PRH1: variants seen among roughly 807,000 people sequenced by gnomAD.
PRH1 encodes the protein salivary acidic proline-rich phosphoprotein 1/2.
Under a neutral mutation model 7.9 loss-of-function variants are expected in PRH1, and 7 were observed. That is an observed-to-expected ratio of 0.89 (90% CI 0.50 to 1.67). PRH1 has a LOEUF of 1.67. PRH1 is among the 40% of genes most tolerant of loss of function. The probability of loss-of-function intolerance (pLI) is 0.00; values close to 1 mark genes in which losing one functional copy is unlikely to be tolerated. For missense variants in PRH1, 109 were observed against 223.6 expected (o/e 0.49, Z 3.27); for synonymous variants, 45 against 80.8 (o/e 0.56, Z 2.38).
At chr12:11,070,815 C>G (rs1324937246) in intron 1 of PRH1, among the ~76,000 whole-genome samples, 7 of 145,514 alleles carry the variant, frequency 4.8e-5, no homozygotes, top group Non-Finnish European at 7.7e-5. Flanking sequence ...TTTTAATTTT[C>G]TTTTGTTTTC....
chr12:10,894,489 C>G (rs1949617437), intron 2 of PRH1, among the ~76,000 whole-genome samples: 1 of 151,980 alleles, frequency 6.6e-6, no homozygotes, highest in South Asian at 2.1e-4. Context: ...TTTGAGTTTT[C>G]CTTTCTAGTT....
chr12:11,123,667 T>C (rs555796866), intron 1 of PRH1, among the ~76,000 whole-genome samples: 1 of 152,128 alleles, frequency 6.6e-6, no homozygotes, highest in East Asian at 1.9e-4. Flanking sequence ...CAGAAGTATG[T>C]TACATATTCC....
rs563452681 is a variant in PRH1 at position 10,924,189 on chromosome 12, G to A, written c.-58-39914C>T. Among the ~76,000 whole-genome samples the A allele has an allele frequency of 3.2e-3, 492 of 151,804 alleles. 3 individuals are homozygous for A. Among genetic ancestry groups the A allele is most frequent in the Non-Finnish European group, 4.3e-3 (295 of 67,882 alleles). ...TTTTTAATAGAGACGGGGTTTCACC[G>A]TGTTAGCCAGGATGGTCTCCATCTC... is the stretch of plus-strand genomic sequence containing the variant. On this transcript the variant is annotated intron_variant, in intron 2 of 3. Coordinates refer to the PRH1 transcript ENST00000539853.
chr12:11,074,003 G>A (rs11533167), intron 1 of PRH1, among the ~76,000 whole-genome samples: 25,824 of 99,384 alleles, frequency 0.26, 10,957 homozygotes, highest in Non-Finnish European at 0.36. Context: ...ACCAGCCACA[G>A]TTGGAGGGCA....
In PRH1 at chr12:11,101,906, A is replaced by T. The variant is rs927415204; in HGVS notation, n.124-54718T>A. Among the ~76,000 whole-genome samples, 5 of 151,924 alleles carry T rather than the reference A, an allele frequency of 3.3e-5. No homozygotes were observed. In the South Asian group the frequency reaches 6.2e-4, roughly 19 times the overall value. Reference sequence around the variant, plus strand: ...ACATTCTTATACACCAATAACAGACAAACAGAGAGCCAAATCATGAGTGAA... The same window carrying T: ...ACATTCTTATACACCAATAACAGACTAACAGAGAGCCAAATCATGAGTGAA... On this transcript the variant is annotated intron_variant and non_coding_transcript_variant, in intron 1 of 4. Coordinates refer to the PRH1 transcript ENST00000541977.
intron 1 of PRH1, among the ~76,000 whole-genome samples, chr12:11,044,361 A>G (rs1942832664): frequency 6.6e-6 from 1 of 152,146 alleles, no homozygotes; most frequent in African/African-American, 2.4e-5. Context: ...GAAACTCCCC[A>G]GGACATTGGT....
chr12:11,001,197 T>C (rs1940577899), intron 1 of PRH1, among the ~76,000 whole-genome samples: 1 of 152,042 alleles, frequency 6.6e-6, no homozygotes, highest in South Asian at 2.1e-4. Flanking sequence ...TTGATGAGTC[T>C]TCACCACAAA....
chr12:11,170,496 G>C (rs927410793), intron 1 of PRH1, among the ~76,000 whole-genome samples: 14 of 152,296 alleles, frequency 9.2e-5, no homozygotes, highest in Middle Eastern at 3.4e-3. Flanking sequence ...GCAGTGAGCC[G>C]AGATCGCGCC....
At chr12:10,966,286 A>G (rs1938494657) in intron 2 of PRH1, among the ~76,000 whole-genome samples, 1 of 152,208 alleles carries the variant, frequency 6.6e-6, no homozygotes, top group Non-Finnish European at 1.5e-5. Context: ...ATTATTTGAC[A>G]TATAATCTTG....
intron 1 of PRH1, among the ~76,000 whole-genome samples, chr12:10,984,473 G>A (rs1367959434): frequency 6.6e-6 from 1 of 151,624 alleles, no homozygotes; most frequent in Non-Finnish European, 1.5e-5. Flanking sequence ...CTCCCATATA[G>A]TTAGTTTACT....
intron 1 of PRH1, among the ~76,000 whole-genome samples, chr12:11,083,508 A>AATTTTCAT: frequency 1.6e-5 from 1 of 63,148 alleles, no homozygotes; most frequent in South Asian, 4.2e-4. Flanking sequence ...TACTTTTTAA[A>AATTTTCAT]TATTTTTATT....
intron 1 of PRH1, among the ~76,000 whole-genome samples, chr12:10,990,481 T>C (rs532277302): frequency 6.6e-6 from 1 of 152,318 alleles, no homozygotes; most frequent in African/African-American, 2.4e-5. Context: ...TAGCATGGGA[T>C]AGCCAGGCAT....
chr12:11,023,997 C>T (rs1941787887), intron 1 of PRH1, among the ~76,000 whole-genome samples: 1 of 152,138 alleles, frequency 6.6e-6, no homozygotes, highest in Non-Finnish European at 1.5e-5. Context: ...TAGAGAATGT[C>T]CAAGTTTTGT....
intron 1 of PRH1, among the ~76,000 whole-genome samples, chr12:11,137,009 T>A (rs989478897): frequency 6.6e-6 from 1 of 152,236 alleles, no homozygotes; most frequent in African/African-American, 2.4e-5. Context: ...AATCATGGTC[T>A]AGGCATTCTC....
At chr12:11,016,229 C>T (rs1941287214) in intron 1 of PRH1, among the ~76,000 whole-genome samples, 1 of 149,460 alleles carries the variant, frequency 6.7e-6, no homozygotes, top group Non-Finnish European at 1.5e-5. Flanking sequence ...TGCTCAGTAT[C>T]CCTCCTTACC....
At chr12:11,138,070 C>CT (rs955821977) in intron 1 of PRH1, among the ~76,000 whole-genome samples, 5 of 152,044 alleles carry the variant, frequency 3.3e-5, no homozygotes, top group African/African-American at 4.8e-5. Context: ...GATTTATTTG[C>CT]TTTTTTTATT....
intron 1 of PRH1, among the ~76,000 whole-genome samples, chr12:10,990,127 C>T (rs1049066387): frequency 1.3e-5 from 2 of 152,086 alleles, no homozygotes; most frequent in African/African-American, 2.4e-5. Context: ...AAAACAGACA[C>T]ATAGAGCAGC....
At chr12:11,001,676 C>A (rs1197314945) in intron 1 of PRH1, among the ~76,000 whole-genome samples, 3 of 152,062 alleles carry the variant, frequency 2.0e-5, no homozygotes, top group Non-Finnish European at 4.4e-5. Context: ...TTAAAAATAT[C>A]CAGAAAGTTA....
rs1386283815 is a variant in PRH1, at chr12:11,031,265, T to C, written c.-126+15755A>G. ...GGAATTTACCAATGCTATGAAGCCA[T>C]TAGCAAAATTTCCAATAACAAATAG... On this transcript the variant is annotated intron_variant, in intron 1 of 3. Coordinates refer to the PRH1 transcript ENST00000539853. 3.7e-6 allele frequency: 6 copies of C among 1,613,868 alleles called. No homozygotes were observed. The African/African-American group carries it at 6.7e-5, about 18-fold the overall frequency.
Sources: allele counts gnomAD v4.1 joint callset (sites outside exome capture counted in the v4.1 genomes callset), GRCh38; gene constraint gnomAD v4.1.1; transcripts MANE v1.5; gene names NCBI Gene and HGNC (gene_info 2026-07-23, HGNC 2026-07-21).